The following DIP2C variants were observed in gnomAD, a reference collection of about 807,000 sequenced individuals.
The protein encoded by DIP2C is DIP2 acetate--CoA ligase C (putative).
DIP2C carries 33 observed loss-of-function variants against 192.4 expected under a neutral mutation model. That is an observed-to-expected ratio of 0.17 (90% confidence interval 0.13 to 0.23). DIP2C has a LOEUF of 0.23. Among genes scored for constraint, DIP2C ranks in the 10% least tolerant of loss-of-function variants. DIP2C has a pLI of 1.00. For synonymous variants in DIP2C, 979 were observed against 864.1 expected (o/e 1.13, Z -2.33); for missense variants, 1,537 against 2,110.1 (o/e 0.73, Z 5.32).
intron 1 of DIP2C, chr10:665,231 T>C (rs1490883116): frequency 1.3e-5 from 2 of 152,248 alleles, no homozygotes; most frequent in Non-Finnish European, 2.9e-5. Context: ...AATATACATA[T>C]ATACCTTAAC....
At chr10:525,855 G>A (rs1288361112) in intron 1 of DIP2C, among the ~76,000 whole-genome samples, 1 of 152,132 alleles carries the variant, frequency 6.6e-6, no homozygotes, top group Non-Finnish European at 1.5e-5. Context: ...TGGAATCCCT[G>A]GAGGGTAGTC....
intron 1 of DIP2C, among the ~76,000 whole-genome samples, chr10:501,157 G>A (rs816601): frequency 0.019 from 2,826 of 152,290 alleles, 78 homozygotes; most frequent in African/African-American, 0.064. Context: ...CTGAGTTGCA[G>A]GGAGGAAAGC....
At chr10:521,720 G>C (rs748847031) in intron 1 of DIP2C, among the ~76,000 whole-genome samples, 7 of 152,236 alleles carry the variant, frequency 4.6e-5, no homozygotes, top group Non-Finnish European at 1.0e-4. Context: ...GAACACAGGA[G>C]ACACCCTCAC....
intron 1 of DIP2C, among the ~76,000 whole-genome samples, chr10:566,572 C>G (rs1028034815): frequency 2.0e-5 from 3 of 152,252 alleles, no homozygotes; most frequent in African/African-American, 7.2e-5. Flanking sequence ...AGACAGGTGT[C>G]AGCACCTTTT....
chr10:607,135 G>A (rs1468164243), intron 1 of DIP2C, among the ~76,000 whole-genome samples: 1 of 152,182 alleles, frequency 6.6e-6, no homozygotes, highest in South Asian at 2.1e-4. Context: ...CAAGGAGGAT[G>A]GCCCTGAAGT....
At chr10:602,494 G>C (rs1463798065) in intron 1 of DIP2C, among the ~76,000 whole-genome samples, 1 of 152,226 alleles carries the variant, frequency 6.6e-6, no homozygotes, top group African/African-American at 2.4e-5. Flanking sequence ...CTCAGGACCG[G>C]GGTTGGTGTC....
Position 277,406 on chromosome 10 carries a change from A to G in DIP2C, c.4590T>C (p.Arg1530=). ...VDIGVIPINS[R]GEKQRMHLRD... ...GCAGGTGCATGCGCTGCTTCTCCCC[A>G]CGGGAGTTGATGGGGATGACGCCGA... is the stretch of plus-strand genomic sequence containing the variant. Residue 1530 remains arginine (R), a synonymous_variant, in exon 37 of 37, where the codon CGT becomes CGC. Coordinates refer to ENST00000280886, the MANE Select transcript of DIP2C (RefSeq NM_014974.3). 1 of 1,614,084 alleles carries G rather than the reference A, an allele frequency of 6.2e-7. No individual in the cohort carries two copies. Among genetic ancestry groups the G allele is most frequent in the Non-Finnish European group, 8.5e-7 (1 of 1,180,010 alleles).
At chr10:580,670 T>C (rs769700725) in intron 1 of DIP2C, among the ~76,000 whole-genome samples, 3 of 152,180 alleles carry the variant, frequency 2.0e-5, no homozygotes, top group Non-Finnish European at 4.4e-5. Context: ...AGTACACATA[T>C]ACCGAGACCC....
chr10:364,865 T>C (rs1321361108), intron 19 of DIP2C: 2 of 628,252 alleles, frequency 3.2e-6, no homozygotes, highest in Non-Finnish European at 6.0e-6. Flanking sequence ...CCCAGAAGTC[T>C]CACAGGAGGC....
chr10:279,343 A>G (rs1269606599), intron 36 of DIP2C, among the ~76,000 whole-genome samples: 1 of 152,144 alleles, frequency 6.6e-6, no homozygotes, highest in South Asian at 2.1e-4. Flanking sequence ...AAATGTATGG[A>G]ATAGTCCTAG....
At chr10:557,527 C>T (rs1051720420) in intron 1 of DIP2C, among the ~76,000 whole-genome samples, 4 of 151,054 alleles carry the variant, frequency 2.6e-5, no homozygotes, top group Non-Finnish European at 5.9e-5. Context: ...CACGACATCA[C>T]GTTTCTCAAA....
chr10:624,809 C>A (rs546478563), intron 1 of DIP2C, among the ~76,000 whole-genome samples: 6 of 152,186 alleles, frequency 3.9e-5, no homozygotes, highest in Non-Finnish European at 8.8e-5. Flanking sequence ...AGGAGCTCAC[C>A]TGGGGCACCC....
intron 1 of DIP2C, among the ~76,000 whole-genome samples, chr10:554,866 G>A (rs930048784): frequency 5.1e-5 from 7 of 136,056 alleles, no homozygotes; most frequent in African/African-American, 2.5e-4. Flanking sequence ...CAGTGATGCA[G>A]GTGTGCCCGA....
chr10:387,300 G>A (rs1303191355), intron 14 of DIP2C, among the ~76,000 whole-genome samples: 1 of 152,230 alleles, frequency 6.6e-6, no homozygotes, highest in Non-Finnish European at 1.5e-5. Context: ...GCTTTGTGGT[G>A]CAGTTGTGAA....
At chr10:622,132 G>A (rs1490274154) in intron 1 of DIP2C, among the ~76,000 whole-genome samples, 2 of 151,124 alleles carry the variant, frequency 1.3e-5, no homozygotes, top group East Asian at 3.9e-4. Flanking sequence ...CCATTAGAAA[G>A]GCTGCCCTGA....
At chr10:414,433 A>G (rs1275215388) in intron 7 of DIP2C, among the ~76,000 whole-genome samples, 1 of 152,168 alleles carries the variant, frequency 6.6e-6, no homozygotes, top group Non-Finnish European at 1.5e-5. Context: ...TGAAATTTCC[A>G]TTACCAACAT....
At chr10:314,234 G>T (rs1338470365) in intron 31 of DIP2C, among the ~76,000 whole-genome samples, 4 of 152,188 alleles carry the variant, frequency 2.6e-5, no homozygotes, top group Non-Finnish European at 1.5e-5. Context: ...TACTCCCAGT[G>T]ATCTTTTCAA....
intron 1 of DIP2C, 91 bp from the exon 2 acceptor site, chr10:486,621 A>G (rs940391500): frequency 5.7e-6 from 6 of 1,060,062 alleles, no homozygotes; most frequent in African/African-American, 3.2e-5. Flanking sequence ...TTATCACAGT[A>G]TCTTCTGTGT....
intron 8 of DIP2C, among the ~76,000 whole-genome samples, chr10:412,530 C>G (rs1474421883): frequency 6.6e-6 from 1 of 152,192 alleles, no homozygotes; most frequent in Non-Finnish European, 1.5e-5. Context: ...TCATGGATGC[C>G]ACACACTGTC....
Sources: gnomAD v4.1 joint callset for allele counts (sites outside exome capture counted in the v4.1 genomes callset) on GRCh38, gnomAD v4.1.1 for gene constraint, MANE v1.5 for transcripts, NCBI Gene and HGNC (gene_info 2026-07-23, HGNC 2026-07-21) for gene names.